Variants in AKNA observed in about 807,000 individuals in gnomAD.
AKNA encodes AT-hook transcription factor.
Under a neutral mutation model 138.8 loss-of-function variants are expected in AKNA, and 67 were observed. That is an observed-to-expected ratio of 0.48 (90% CI 0.40 to 0.59). AKNA has a LOEUF of 0.59. Among genes scored for constraint, AKNA ranks in the 20% least tolerant of loss-of-function variants. The pLI is 0.00. For synonymous variants in AKNA, 737 were observed against 754.4 expected, an observed-to-expected ratio of 0.98 and a Z score of 0.38; for missense variants, 1,813 against 1,880.4, an observed-to-expected ratio of 0.96 and a Z score of 0.66.
At chr9:114,371,876 T>C (rs559241847) in intron 4 of AKNA, among the ~76,000 whole-genome samples, 2 of 152,220 alleles carry the variant, frequency 1.3e-5, no homozygotes, top group East Asian at 3.9e-4. Flanking sequence ...TCGTGGGTTC[T>C]GAGCAGAAGA....
intron 16 of AKNA, 78 bp downstream of exon 16, chr9:114,347,645 TG>T (rs1339003932): frequency 7.1e-7 from 1 of 1,404,720 alleles, no homozygotes; most frequent in Non-Finnish European, 9.4e-7. Context: ...TCCATATGTC[TG>T]GGGAGAGCCA....
chr9:114,390,593 G>A (rs1172524414), upstream of AKNA, among the ~76,000 whole-genome samples: 1 of 152,192 alleles, frequency 6.6e-6, no homozygotes, highest in Non-Finnish European at 1.5e-5. Context: ...ACACTGCACC[G>A]ATGTGGTCTT....
intron 1 of AKNA, among the ~76,000 whole-genome samples, chr9:114,386,148 C>T (rs549286600): frequency 1.3e-5 from 2 of 152,316 alleles, no homozygotes; most frequent in East Asian, 3.9e-4. Flanking sequence ...AAGATACATA[C>T]TGAGCACCCA....
intron 15 of AKNA, 21 bp downstream of exon 15, chr9:114,350,838 G>A: frequency 6.6e-7 from 1 of 1,525,744 alleles, no homozygotes; most frequent in Non-Finnish European, 8.8e-7. Flanking sequence ...TGAATCCCCA[G>A]GATCCAAGTG....
At chr9:114,339,546 C>T (rs889134031) in intron 21 of AKNA, among the ~76,000 whole-genome samples, 1 of 152,236 alleles carries the variant, frequency 6.6e-6, no homozygotes, top group Non-Finnish European at 1.5e-5. Context: ...TTGGAAACAG[C>T]AACCTGGTGA....
rs1829972629 is a variant in AKNA, at chr9:114,335,934, C to T, written c.*1120G>A. 2.0e-5 allele frequency: 3 copies of T among 152,266 alleles called. No homozygotes were observed. Among genetic ancestry groups the T allele is most frequent in the Admixed American group, 2.0e-4 (3 of 15,286 alleles). The allele number at this position is 152,266 out of a possible 1,614,324, so 9.4% of individuals were successfully genotyped here. A position where few individuals can be genotyped will look rare whatever the true frequency, so the allele number is the denominator to read the frequency against. ...TTGGCTAGGCAGCCCCACCTCAAGG[C>T]CCTCCGCAGTTGAAAGATTTATGGT... On this transcript the variant is annotated 3_prime_UTR_variant, in exon 22 of 22. Transcript: ENST00000374088.
chr9:114,376,427 G>A, intron 3 of AKNA, 39 bp downstream of exon 3: 6 of 1,606,298 alleles, frequency 3.7e-6, no homozygotes, highest in South Asian at 1.1e-5. Flanking sequence ...AGCCAACAGG[G>A]GCCTTGGTGA....
At chr9:114,330,846 G>C (rs758827221), downstream of AKNA, 3 of 1,613,904 alleles carry the variant, frequency 1.9e-6, no homozygotes, top group Non-Finnish European at 2.5e-6. Context: ...GGGAGAATGG[G>C]ACCGTCTCCA....
chr9:114,355,654 C>T (rs1192066218), intron 14 of AKNA, among the ~76,000 whole-genome samples: 1 of 152,234 alleles, frequency 6.6e-6, no homozygotes, highest in Non-Finnish European at 1.5e-5. Context: ...TTGAACAAAA[C>T]GTTGCTATGC....
At chr9:114,362,880 T>A (rs959092400) in intron 7 of AKNA, among the ~76,000 whole-genome samples, 3 of 152,190 alleles carry the variant, frequency 2.0e-5, no homozygotes, top group Non-Finnish European at 4.4e-5. Context: ...ATTATCTCCA[T>A]AAGGACCCTT....
rs776132230 is a variant in AKNA at position 114,358,140 on chromosome 9, C to T, written c.2520G>A (p.Met840Ile). 3.1e-6 allele frequency: 5 copies of T among 1,614,090 alleles called. 1 individual carries two copies. In the South Asian group the frequency reaches 5.5e-5, roughly 18 times the overall value. The change falls in exon 12 of 22, where the codon ATG (methionine) becomes ATA (isoleucine). Residue 840 changes from methionine to isoleucine, a missense_variant. By Grantham distance (10) the Met-to-Ile change is conservative. Transcript: ENST00000374088. ...LEEATEKMVSMKPPGFQASLA... is the reference protein window; with the variant it reads ...LEEATEKMVSIKPPGFQASLA... ...GGGATGCCTGGAAACCTGGTGGCTT[C>T]ATAGATACCATCTTCTCCGTGGCCT...
chr9:114,396,742 A>T (rs1834547332), upstream of AKNA: 1 of 152,048 alleles, frequency 6.6e-6, no homozygotes, highest in South Asian at 2.1e-4. Context: ...TGTGGAAGGG[A>T]AAACTGAGGC....
Position 114,360,656 on chromosome 9 carries a change from TCCTACCAGTGTCCCAC to T in AKNA, c.2125-610_2125-595del, listed in dbSNP as rs368860833. ...AGCATGACCTCAGCTGTCAGGGATG[TCCTACCAGTGTCCCAC>T]CCTACCCAGCATGCCAGGCTCTCTT... On this transcript the variant is annotated intron_variant, in intron 9 of 21. Transcript: ENST00000374088. Among the ~76,000 whole-genome samples the T allele has an allele frequency of 5.4e-3, 829 of 152,238 alleles. 7 individuals carry two copies. Among genetic ancestry groups the T allele is most frequent in the African/African-American group, 0.019 (769 of 41,528 alleles).
At chr9:114,390,290 A>G (rs1834284521), upstream of AKNA, among the ~76,000 whole-genome samples, 1 of 151,614 alleles carries the variant, frequency 6.6e-6, no homozygotes, top group African/African-American at 2.4e-5. Context: ...CCCCACCCAC[A>G]GGCCAAATTC....
At chr9:114,361,612 C>T in intron 9 of AKNA, 92 bp downstream of exon 9, 1 of 1,430,954 alleles carries the variant, frequency 7.0e-7, no homozygotes, top group Non-Finnish European at 9.8e-7. Context: ...ATGGCACACA[C>T]TTCATAAATA....
rs1273486451 is a variant in AKNA at position 114,381,354 on chromosome 9, C to T, written c.-21G>A. The stretch of plus-strand genomic sequence containing the variant: ...GCCATTGGGGCTGGCCTGGGCTTCA[C>T]CTGGGCCACTTCATCTTCAGGAGAC... On this transcript the variant is annotated 5_prime_UTR_variant, in exon 2 of 22. In the 5' UTR this introduces an upstream ATG that the reference lacks. Transcript: ENST00000374088. 10 of 1,532,624 alleles carry T rather than the reference C, an allele frequency of 6.5e-6. No homozygotes were observed. Among genetic ancestry groups the T allele is most frequent in the Middle Eastern group, 1.7e-4 (1 of 5,798 alleles). The allele number at this position is 1,532,624 out of a possible 1,614,324, so 94.9% of individuals were successfully genotyped here.
At chr9:114,378,514 C>T (rs1377771594) in intron 2 of AKNA, among the ~76,000 whole-genome samples, 2 of 152,150 alleles carry the variant, frequency 1.3e-5, no homozygotes, top group South Asian at 4.1e-4. Context: ...TTTGCAGTGC[C>T]GGTACCTGAC....
intron 4 of AKNA, among the ~76,000 whole-genome samples, chr9:114,372,952 G>T (rs1016482096): frequency 1.3e-5 from 2 of 148,454 alleles, no homozygotes; most frequent in Non-Finnish European, 3.0e-5. Flanking sequence ...GGCAGCAGGT[G>T]TGGGGACGCA....
intron 1 of AKNA, among the ~76,000 whole-genome samples, chr9:114,393,714 T>C (rs182433932): frequency 1.3e-5 from 2 of 151,944 alleles, no homozygotes; most frequent in African/African-American, 4.8e-5. Flanking sequence ...AATTTTGTTA[T>C]GTTAAGTGGA....
Sources: gnomAD v4.1 joint callset for allele counts (sites outside exome capture counted in the v4.1 genomes callset) on GRCh38, gnomAD v4.1.1 for gene constraint, MANE v1.5 for transcripts, NCBI Gene and HGNC (gene_info 2026-07-23, HGNC 2026-07-21) for gene names.